ATF3: variants seen among roughly 807,000 people sequenced by gnomAD.
ATF3 encodes activating transcription factor 3.
A neutral mutation model predicts 18.4 loss-of-function variants in ATF3; 10 were observed. That is an observed-to-expected ratio of 0.54 (90% CI 0.34 to 0.92). The LOEUF (loss-of-function observed/expected upper bound fraction) is 0.92. Ranked by LOEUF, ATF3 falls within the 40% of genes least tolerant of loss-of-function variation. ATF3 has a pLI of 0.02. For synonymous variants in ATF3, 78 were observed against 87.9 expected (o/e 0.89, Z 0.63); for missense variants, 183 against 222.3 (o/e 0.82, Z 1.12).
At chr1:212,587,424 T>G (rs1188435330) in intron 1 of ATF3, among the ~76,000 whole-genome samples, 2 of 152,228 alleles carry the variant, frequency 1.3e-5, no homozygotes. Flanking sequence ...GTGAGTGGGC[T>G]TTTGCAGAAG....
intron 1 of ATF3, among the ~76,000 whole-genome samples, chr1:212,573,123 C>G (rs566369819): frequency 4.5e-4 from 68 of 152,118 alleles, no homozygotes; most frequent in African/African-American, 1.3e-3. Flanking sequence ...TATAAGTGCC[C>G]TATTTCATTG....
intron 2 of ATF3, among the ~76,000 whole-genome samples, chr1:212,616,813 T>G (rs1045530313): frequency 1.3e-5 from 2 of 151,730 alleles, no homozygotes; most frequent in Non-Finnish European, 2.9e-5. Flanking sequence ...GGATGTGGGG[T>G]GTAAGAGAAA....
intron 1 of ATF3, among the ~76,000 whole-genome samples, chr1:212,579,854 A>G (rs1664647632): frequency 6.6e-6 from 1 of 152,152 alleles, no homozygotes. Context: ...GTTAAGAAAC[A>G]GATTTGTAGA....
Position 212,615,006 on chromosome 1 carries a change from T to A in ATF3, c.-4-12T>A. The stretch of plus-strand genomic sequence containing the variant: ...GCCCCTGAAACAGTTTGGGTTTCAA[T>A]GTGTCTTTCAGCAAAATGATGCTTC... On this transcript the variant is annotated splice_polypyrimidine_tract_variant and intron_variant, in intron 1 of 3. Transcript: ENST00000341491. The A allele has an allele frequency of 6.2e-7, 1 of 1,614,240 alleles. No individual in the cohort carries two copies. The highest frequency in any genetic ancestry group is 8.5e-7 in the Non-Finnish European group (1 of 1,180,048).
intron 1 of ATF3, among the ~76,000 whole-genome samples, chr1:212,578,797 C>G (rs1001889327): frequency 6.6e-5 from 10 of 152,096 alleles, no homozygotes; most frequent in Non-Finnish European, 1.3e-4. Context: ...TTCTTCTCCA[C>G]TATTGCAGTG....
chr1:212,598,317 T>C (rs901019440), intron 1 of ATF3, among the ~76,000 whole-genome samples: 3 of 152,338 alleles, frequency 2.0e-5, no homozygotes, highest in Admixed American at 6.5e-5. Context: ...CTTTTTAAAA[T>C]TTATTTATTT....
chr1:212,608,031 C>A (rs1440080992), upstream of ATF3, among the ~76,000 whole-genome samples: 1 of 152,218 alleles, frequency 6.6e-6, no homozygotes, highest in Admixed American at 6.5e-5. Flanking sequence ...ACGGTGCCAG[C>A]CGAGGGCTGC....
intron 1 of ATF3, among the ~76,000 whole-genome samples, chr1:212,569,653 C>T (rs1322694258): frequency 6.6e-6 from 1 of 151,798 alleles, no homozygotes; most frequent in Non-Finnish European, 1.5e-5. Flanking sequence ...TCATTCTTTC[C>T]ACCTCATAAG....
At chr1:212,577,021 G>A (rs1664595121) in intron 1 of ATF3, among the ~76,000 whole-genome samples, 1 of 151,904 alleles carries the variant, frequency 6.6e-6, no homozygotes, top group African/African-American at 2.4e-5. Context: ...GTGAGCCACC[G>A]AGCCCGGCCC....
intron 1 of ATF3, chr1:212,565,567 T>C (rs1195472): frequency 0.44 from 66,746 of 151,850 alleles, 15,128 homozygotes; most frequent in East Asian, 0.54. Context: ...AAGCCTCCAG[T>C]TGGGGGAGTA....
At chr1:212,572,721 A>G (rs887002235) in intron 1 of ATF3, among the ~76,000 whole-genome samples, 3 of 152,232 alleles carry the variant, frequency 2.0e-5, no homozygotes, top group African/African-American at 7.2e-5. Flanking sequence ...ATTTCCCAAT[A>G]GCATTTTATA....
At chr1:212,615,397 C>G in intron 2 of ATF3, 136 bp downstream of exon 2, 1 of 1,128,552 alleles carries the variant, frequency 8.9e-7, no homozygotes, top group Admixed American at 2.3e-5. Context: ...AGCTTACCTT[C>G]TCCTGGGAGG....
intron 1 of ATF3, among the ~76,000 whole-genome samples, chr1:212,572,656 A>G (rs1486707554): frequency 6.6e-6 from 1 of 152,260 alleles, no homozygotes; most frequent in African/African-American, 2.4e-5. Context: ...TGACCATTCA[A>G]ATTAATTTGC....
upstream of ATF3, among the ~76,000 whole-genome samples, chr1:212,607,852 ACG>A (rs1263000736): frequency 1.3e-5 from 2 of 151,590 alleles, no homozygotes; most frequent in Non-Finnish European, 1.5e-5. Flanking sequence ...CGATCTTTTC[ACG>A]CTCTTGTTGG....
chr1:212,604,999 G>A (rs1452903445), upstream of ATF3, among the ~76,000 whole-genome samples: 5 of 152,092 alleles, frequency 3.3e-5, no homozygotes, highest in African/African-American at 1.2e-4. Flanking sequence ...CCTGGAGATC[G>A]CTTGACTTCA....
At chr1:212,609,484 G>T (rs1217572826) in intron 1 of ATF3, among the ~76,000 whole-genome samples, 3 of 152,156 alleles carry the variant, frequency 2.0e-5, no homozygotes, top group East Asian at 3.9e-4. Context: ...GAGGCGTCCC[G>T]GGCGCGGCCG....
upstream of ATF3, among the ~76,000 whole-genome samples, chr1:212,606,491 T>C (rs1654627442): frequency 6.6e-6 from 1 of 152,208 alleles, no homozygotes; most frequent in African/African-American, 2.4e-5. Context: ...CCAATTATCC[T>C]TCCCTTGCAT....
intron 1 of ATF3, among the ~76,000 whole-genome samples, chr1:212,598,577 TA>T (rs1484659150): frequency 6.6e-6 from 1 of 152,232 alleles, no homozygotes; most frequent in African/African-American, 2.4e-5. Flanking sequence ...TATTTTTTTG[TA>T]ACCCATTAAC....
rs1655058869 is a variant in ATF3, at chr1:212,615,179, A to C, written c.158A>C (p.His53Pro). 6.2e-7 allele frequency: 1 copy of C among 1,613,862 alleles called. No individual in the cohort carries two copies. The highest frequency in any genetic ancestry group is 8.5e-7 in the Non-Finnish European group (1 of 1,179,992). The change falls in exon 2 of 4, where the codon CAC becomes CCC. Residue 53 changes from histidine to proline, a missense_variant. Coordinates refer to ENST00000341491, the MANE Select transcript of ATF3 (RefSeq NM_001674.4). ...CTGAGGTTTGCCATCCAGAACAAGC[A>C]CCTCTGCCACCGGATGTCCTCTGCG... ...EELRFAIQNK[H>P]LCHRMSSALE...
Sources: allele counts gnomAD v4.1 joint callset (sites outside exome capture counted in the v4.1 genomes callset), GRCh38; gene constraint gnomAD v4.1.1; transcripts MANE v1.5; gene names NCBI Gene and HGNC (gene_info 2026-07-23, HGNC 2026-07-21).